GRID1: variants seen among roughly 807,000 people sequenced by gnomAD.
The protein encoded by GRID1 is glutamate receptor ionotropic, delta-1.
A neutral mutation model predicts 98.0 loss-of-function variants in GRID1; 28 were observed. The ratio of observed to expected loss-of-function variants is 0.29; its 90% CI spans 0.21 to 0.39. The LOEUF is 0.39. Among genes scored for constraint, GRID1 ranks in the 10% least tolerant of loss-of-function variants. The probability of loss-of-function intolerance (pLI) is 1.00; values close to 1 mark genes in which losing one functional copy is unlikely to be tolerated. For synonymous variants in GRID1, 553 were observed against 538.5 expected (o/e 1.03, Z -0.37); for missense variants, 1,111 against 1,340.5 (o/e 0.83, Z 2.67).
intron 12 of GRID1, among the ~76,000 whole-genome samples, chr10:85,676,739 G>T (rs1008263233): frequency 2.5e-4 from 38 of 152,178 alleles, no homozygotes; most frequent in African/African-American, 8.9e-4. Flanking sequence ...CTGGAGGTCT[G>T]ACTTGATTGA....
At chr10:86,286,990 T>C (rs941094187) in intron 2 of GRID1, among the ~76,000 whole-genome samples, 2 of 152,086 alleles carry the variant, frequency 1.3e-5, no homozygotes, top group Non-Finnish European at 2.9e-5. Context: ...TGAGCCATGC[T>C]CTTATAGGCT....
chr10:85,919,179 C>A (rs1041323956), intron 4 of GRID1, among the ~76,000 whole-genome samples: 12 of 152,214 alleles, frequency 7.9e-5, no homozygotes, highest in Non-Finnish European at 1.6e-4. Context: ...TGCAGACAAC[C>A]TGACTCAGTT....
chr10:86,069,864 G>A (rs1198957770), intron 4 of GRID1, among the ~76,000 whole-genome samples: 1 of 152,154 alleles, frequency 6.6e-6, no homozygotes, highest in Non-Finnish European at 1.5e-5. Context: ...AATCATTCCT[G>A]GTGCAGAAGA....
intron 4 of GRID1, among the ~76,000 whole-genome samples, chr10:85,968,543 G>A (rs1355566252): frequency 6.6e-6 from 1 of 151,272 alleles, no homozygotes; most frequent in African/African-American, 2.4e-5. Flanking sequence ...AATTTCGACA[G>A]CAACAATAAT....
chr10:85,888,675 T>C (rs189958440), intron 5 of GRID1, among the ~76,000 whole-genome samples: 37 of 152,318 alleles, frequency 2.4e-4, no homozygotes, highest in Admixed American at 2.4e-3. Flanking sequence ...CTGTGAGATT[T>C]ATCCATCTTC....
At chr10:86,115,969 T>C (rs991650541) in intron 4 of GRID1, among the ~76,000 whole-genome samples, 4 of 152,240 alleles carry the variant, frequency 2.6e-5, no homozygotes, top group African/African-American at 7.2e-5. Context: ...ACCGTGTTAC[T>C]ATTGCATTCG....
intron 4 of GRID1, among the ~76,000 whole-genome samples, chr10:85,969,263 T>G (rs956358214): frequency 2.0e-5 from 3 of 152,140 alleles, no homozygotes; most frequent in African/African-American, 4.8e-5. Flanking sequence ...CTACAATATC[T>G]CACTTTCCAT....
chr10:86,332,222 C>G (rs1238071203), intron 2 of GRID1, among the ~76,000 whole-genome samples: 2 of 152,184 alleles, frequency 1.3e-5, no homozygotes, highest in African/African-American at 4.8e-5. Context: ...CCTCCTTGAC[C>G]CCTCCAGAAT....
chr10:85,997,617 G>C (rs904447078), intron 4 of GRID1, among the ~76,000 whole-genome samples: 2 of 151,686 alleles, frequency 1.3e-5, no homozygotes, highest in Non-Finnish European at 1.5e-5. Context: ...CAAAAGGAAT[G>C]GTAAAAAATG....
chr10:85,798,087 T>C lies in GRID1; in HGVS notation c.1233+56409A>G, dbSNP rs539587601. ...GGTGATGACCATATGAGTACGTGTC[T>C]TTTGAGTACAATGATCTATTTTCCT... On this transcript the variant is annotated intron_variant, in intron 8 of 15. Transcript: ENST00000327946. Among the ~76,000 whole-genome samples the C allele has an allele frequency of 7.9e-5, 12 of 152,354 alleles. No homozygotes were observed. In the East Asian group the frequency reaches 2.3e-3, roughly 29 times the overall value.
intron 12 of GRID1, among the ~76,000 whole-genome samples, chr10:85,697,024 A>C (rs951200580): frequency 1.3e-5 from 2 of 152,048 alleles, no homozygotes; most frequent in Non-Finnish European, 2.9e-5. Context: ...ATTTACTGAG[A>C]TTTAATTCTA....
In GRID1 at chr10:86,240,657, A is replaced by G. The variant is rs533916614; in HGVS notation, c.236-34009T>C. Among the ~76,000 whole-genome samples, 67 of 152,298 alleles carry G rather than the reference A, an allele frequency of 4.4e-4. 1 individual carries two copies. Among genetic ancestry groups the G allele is most frequent in the Non-Finnish European group, 7.6e-4 (52 of 68,036 alleles). The stretch of plus-strand genomic sequence containing the variant: ...GCAGATTTTAGCTCCAGAAGAGAAG[A>G]GACCAACTGCTCCCCTATGGAATGT... On this transcript the variant is annotated intron_variant, in intron 2 of 15. Transcript: ENST00000327946.
intron 5 of GRID1, among the ~76,000 whole-genome samples, chr10:85,881,690 A>T (rs1465465932): frequency 1.3e-5 from 2 of 152,166 alleles, no homozygotes; most frequent in Non-Finnish European, 1.5e-5. Flanking sequence ...AACCTAGGCA[A>T]TACCATTCAG....
chr10:85,793,440 C>G (rs1163962093), intron 8 of GRID1, among the ~76,000 whole-genome samples: 1 of 152,214 alleles, frequency 6.6e-6, no homozygotes, highest in African/African-American at 2.4e-5. Flanking sequence ...CAATTTTAAG[C>G]TCTTGGAGAC....
chr10:86,075,369 G>C (rs911282381), intron 4 of GRID1, among the ~76,000 whole-genome samples: 13 of 148,928 alleles, frequency 8.7e-5, no homozygotes, highest in Non-Finnish European at 1.9e-4. Context: ...GCCATGGGAA[G>C]AAGAAGCCAG....
intron 4 of GRID1, among the ~76,000 whole-genome samples, chr10:85,921,868 T>C (rs1222888044): frequency 6.6e-6 from 1 of 152,222 alleles, no homozygotes; most frequent in African/African-American, 2.4e-5. Flanking sequence ...AGCTTGCTTT[T>C]ATTAACCACC....
chr10:86,170,209 T>C (rs983472319), intron 3 of GRID1, among the ~76,000 whole-genome samples: 1 of 152,144 alleles, frequency 6.6e-6, no homozygotes, highest in Non-Finnish European at 1.5e-5. Flanking sequence ...GGACTGGGTT[T>C]CTGTACCAGC....
chr10:85,724,891 A>T (rs1308654285), intron 10 of GRID1, among the ~76,000 whole-genome samples: 1 of 152,172 alleles, frequency 6.6e-6, no homozygotes, highest in East Asian at 1.9e-4. Flanking sequence ...TCTTCTAAAA[A>T]CTTCAGGAAA....
intron 13 of GRID1, among the ~76,000 whole-genome samples, chr10:85,626,283 G>A (rs1341178973): frequency 1.3e-5 from 2 of 152,214 alleles, no homozygotes; most frequent in African/African-American, 4.8e-5. Flanking sequence ...ATTATGAACA[G>A]TGGAGCCATG....
Sources: gnomAD v4.1 joint callset for allele counts (sites outside exome capture counted in the v4.1 genomes callset) on GRCh38, gnomAD v4.1.1 for gene constraint, MANE v1.5 for transcripts, NCBI Gene and HGNC (gene_info 2026-07-23, HGNC 2026-07-21) for gene names.